Variants in SNTG1 observed in about 807,000 individuals in gnomAD.
SNTG1 encodes the protein syntrophin gamma 1.
In SNTG1, 39 loss-of-function variants were observed where a neutral mutation model predicts 74.7. The ratio of observed to expected loss-of-function variants is 0.52; its 90% CI spans 0.40 to 0.68. SNTG1 has a LOEUF of 0.68. Ranked by LOEUF, SNTG1 falls within the 30% of genes least tolerant of loss-of-function variation. SNTG1 has a pLI of 0.00. For synonymous variants in SNTG1, 254 were observed against 217.1 expected, an observed-to-expected ratio of 1.17 and a Z score of -1.49; for missense variants, 685 against 609.5, an observed-to-expected ratio of 1.12 and a Z score of -1.30.
chr8:50,429,082 C>A (rs1454503616), intron 4 of SNTG1, among the ~76,000 whole-genome samples: 3 of 150,806 alleles, frequency 2.0e-5, no homozygotes, highest in African/African-American at 7.4e-5. Flanking sequence ...CAAAATTGAT[C>A]TACATTATAA....
At chr8:50,476,674 T>C (rs1170988387) in intron 8 of SNTG1, among the ~76,000 whole-genome samples, 1 of 152,208 alleles carries the variant, frequency 6.6e-6, no homozygotes, top group Non-Finnish European at 1.5e-5. Flanking sequence ...TAAACAGGTT[T>C]ATAAACCTAC....
chr8:50,704,810 T>A, intron 16 of SNTG1, 58 bp downstream of exon 16: 1 of 1,576,258 alleles, frequency 6.3e-7, no homozygotes, highest in South Asian at 1.1e-5. Context: ...ACCACTTCCC[T>A]AGAGTTCTAA....
intron 1 of SNTG1, among the ~76,000 whole-genome samples, chr8:49,952,483 C>T (rs1809810580): frequency 6.6e-6 from 1 of 152,136 alleles, no homozygotes; most frequent in African/African-American, 2.4e-5. Flanking sequence ...GCCTGTCTGA[C>T]AAATTAGAGG....
Position 50,394,252 on chromosome 8 carries a change from C to A in SNTG1, c.14C>A (p.Thr5Asn). MDFR[T>N]ACEETKTGIC... Reference sequence around the variant, plus strand: ...GTGCCACAGCACATGGATTTCAGAACCGCCTGTGAGGAGGTGAGTACAGAG... The same window carrying A: ...GTGCCACAGCACATGGATTTCAGAAACGCCTGTGAGGAGGTGAGTACAGAG... Residue 5 changes from threonine to asparagine, a missense_variant, in exon 3 of 19, where the codon ACC becomes AAC. Thr to Asn is a moderately conservative substitution (Grantham distance 65, BLOSUM62 0). Transcript: ENST00000642720. 3 of 1,613,072 alleles carry A rather than the reference C, an allele frequency of 1.9e-6. No homozygotes were observed. Among genetic ancestry groups the A allele is most frequent in the Non-Finnish European group, 2.5e-6 (3 of 1,179,396 alleles).
At position 50,061,083 on chromosome 8, in the gene SNTG1, CTTCTT is replaced by C. The variant is rs1288214809; in HGVS notation, c.-102-111476_-102-111472del. 3.1e-4 allele frequency among the ~76,000 whole-genome samples: 47 copies of C among 152,062 alleles called. 1 individual carries two copies. Among genetic ancestry groups the C allele is most frequent in the Admixed American group, 3.1e-3 (47 of 15,256 alleles). On this transcript the variant is annotated intron_variant, in intron 1 of 18. Coordinates refer to ENST00000642720, the MANE Select transcript of SNTG1 (RefSeq NM_018967.5). ...TTAAAAATGAGTTGGAAAATGATCT[CTTCTT>C]TAATTTTATGAAAGGGGCTGTGTAA...
At chr8:50,196,812 A>C (rs965395003) in intron 2 of SNTG1, among the ~76,000 whole-genome samples, 4 of 151,508 alleles carry the variant, frequency 2.6e-5, no homozygotes, top group African/African-American at 7.3e-5. Context: ...CAAAAAAAAA[A>C]AAACAAAAAA....
chr8:50,036,024 A>T (rs1818129077), intron 1 of SNTG1, among the ~76,000 whole-genome samples: 1 of 152,148 alleles, frequency 6.6e-6, no homozygotes, highest in Non-Finnish European at 1.5e-5. Context: ...TTAAAAAAAA[A>T]TTGGTCTCTT....
At chr8:50,480,919 A>G (rs2131815187) in intron 8 of SNTG1, among the ~76,000 whole-genome samples, 1 of 152,330 alleles carries the variant, frequency 6.6e-6, no homozygotes, top group South Asian at 2.1e-4. Flanking sequence ...AACTATAATT[A>G]CCACACTATT....
intron 12 of SNTG1, among the ~76,000 whole-genome samples, chr8:50,572,155 A>T (rs1016356270): frequency 6.6e-6 from 1 of 152,018 alleles, no homozygotes; most frequent in Non-Finnish European, 1.5e-5. Flanking sequence ...ACCTGCCCCT[A>T]TGAGAAGATT....
rs1294287391 is a variant in SNTG1 at position 49,972,337 on chromosome 8, C to T, written c.-103+60106C>T. Among the ~76,000 whole-genome samples the T allele has an allele frequency of 2.0e-5, 3 of 152,262 alleles. No individual in the cohort carries two copies. In the East Asian group the frequency reaches 5.8e-4, roughly 29 times the overall value. On this transcript the variant is annotated intron_variant, in intron 1 of 18. Coordinates refer to ENST00000642720, the MANE Select transcript of SNTG1 (RefSeq NM_018967.5). ...TATGTAGAAAGCTGAAACTGGATCC[C>T]TTCCTTACATCTTATACAAAAATTA...
At chr8:50,512,589 A>C (rs1008502722) in intron 9 of SNTG1, among the ~76,000 whole-genome samples, 3 of 152,076 alleles carry the variant, frequency 2.0e-5, no homozygotes, top group Admixed American at 1.3e-4. Context: ...ACATAGTCCT[A>C]TATTTCTTGG....
chr8:50,168,168 T>G (rs2082690293), intron 1 of SNTG1, among the ~76,000 whole-genome samples: 2 of 151,406 alleles, frequency 1.3e-5, no homozygotes, highest in South Asian at 4.2e-4. Flanking sequence ...ATTTCCCAAC[T>G]TCCTGAAAAA....
At chr8:50,701,800 C>CTCCTCT (rs1554616168) in intron 15 of SNTG1, among the ~76,000 whole-genome samples, 11 of 142,806 alleles carry the variant, frequency 7.7e-5, no homozygotes, top group East Asian at 4.0e-4. Context: ...CCTCCTCCTC[C>CTCCTCT]TCTTCTTCTT....
At chr8:50,627,466 G>A (rs1057223704) in intron 13 of SNTG1, among the ~76,000 whole-genome samples, 1 of 152,066 alleles carries the variant, frequency 6.6e-6, no homozygotes, top group Non-Finnish European at 1.5e-5. Flanking sequence ...AGACAAAGTG[G>A]GCCCAGCTTT....
intron 1 of SNTG1, among the ~76,000 whole-genome samples, chr8:50,039,454 CAAAAAAAAAAAA>C (rs568678808): frequency 1.4e-3 from 66 of 46,160 alleles, no homozygotes; most frequent in African/African-American, 5.0e-3. Context: ...GACTCCGTCT[CAAAAAAAAAAAA>C]AAAAAAAAAA....
intron 1 of SNTG1, among the ~76,000 whole-genome samples, chr8:50,162,415 A>C (rs2082450072): frequency 6.6e-6 from 1 of 151,852 alleles, no homozygotes; most frequent in South Asian, 2.1e-4. Flanking sequence ...ACAAAAAATT[A>C]GCCGGACGTG....
chr8:50,553,091 C>T lies in SNTG1; in HGVS notation c.722C>T (p.Thr241Ile), dbSNP rs113805699. ...FQVIAVDGVCTGIIQCLSAED... is the reference protein window; with the variant it reads ...FQVIAVDGVCIGIIQCLSAED... ...GTCATTGCTGTGGATGGGGTCTGCA[C>T]TGGGATTATTCAGTGCCTCTCTGCT... is the stretch of plus-strand genomic sequence containing the variant. Residue 241 changes from threonine to isoleucine, a missense_variant, in exon 12 of 19, where the codon ACT becomes ATT. By Grantham distance (89) the Thr-to-Ile change is moderately conservative (BLOSUM62 -1). Transcript: ENST00000642720. The T allele has an allele frequency of 1.2e-6, 2 of 1,613,914 alleles. No homozygotes were observed. Among genetic ancestry groups the T allele is most frequent in the Admixed American group, 1.7e-5 (1 of 59,976 alleles).
At chr8:50,021,388 C>T (rs760642752) in intron 1 of SNTG1, among the ~76,000 whole-genome samples, 4 of 152,156 alleles carry the variant, frequency 2.6e-5, no homozygotes, top group Non-Finnish European at 5.9e-5. Flanking sequence ...TTTGAAACTT[C>T]TCTTACTTTC....
At chr8:50,532,399 G>T (rs1203841972) in intron 10 of SNTG1, among the ~76,000 whole-genome samples, 2 of 152,258 alleles carry the variant, frequency 1.3e-5, no homozygotes, top group Non-Finnish European at 2.9e-5. Flanking sequence ...TTAAGATCCA[G>T]ATCTATAGAC....
Sources: gnomAD v4.1 joint callset for allele counts (sites outside exome capture counted in the v4.1 genomes callset) on GRCh38, gnomAD v4.1.1 for gene constraint, MANE v1.5 for transcripts, NCBI Gene and HGNC (gene_info 2026-07-23, HGNC 2026-07-21) for gene names.